The following TRIM44 variants were observed in gnomAD, a reference collection of about 807,000 sequenced individuals.
TRIM44 encodes tripartite motif-containing protein 44.
In TRIM44, 13 loss-of-function variants were observed where a neutral mutation model predicts 37.4. That is an observed-to-expected ratio of 0.35 (90% CI 0.23 to 0.55). The LOEUF (loss-of-function observed/expected upper bound fraction) is 0.55. TRIM44 is among the 20% of genes least tolerant of loss of function. TRIM44 has a pLI of 0.89. For missense variants in TRIM44, 426 were observed against 437.2 expected, an observed-to-expected ratio of 0.97 and a Z score of 0.23; for synonymous variants, 175 against 157.2, an observed-to-expected ratio of 1.11 and a Z score of -0.85.
At chr11:35,765,283 C>T (rs1356546145) in intron 4 of TRIM44, among the ~76,000 whole-genome samples, 1 of 152,152 alleles carries the variant, frequency 6.6e-6, no homozygotes, top group Non-Finnish European at 1.5e-5. Flanking sequence ...GCCTTGCTTT[C>T]AAGGCATCAT....
At chr11:35,804,544 C>A (rs1853422794) in intron 4 of TRIM44, among the ~76,000 whole-genome samples, 1 of 152,180 alleles carries the variant, frequency 6.6e-6, no homozygotes. Flanking sequence ...ATGCTGCCCT[C>A]ATATTTGAAA....
At chr11:35,670,783 A>C (rs1851385247) in intron 1 of TRIM44, among the ~76,000 whole-genome samples, 1 of 152,100 alleles carries the variant, frequency 6.6e-6, no homozygotes, top group Non-Finnish European at 1.5e-5. Context: ...TTTTTCATTT[A>C]ATGCCAGATG....
In TRIM44 at chr11:35,663,066, G is replaced by T. The variant is rs1249556693; in HGVS notation, c.-46G>T. 1 of 1,474,524 alleles carries T rather than the reference G, an allele frequency of 6.8e-7. No homozygotes were observed. The highest frequency in any genetic ancestry group is 1.4e-5 in the South Asian group (1 of 70,414). The allele number at this position is 1,474,524 out of a possible 1,614,324, so 91.3% of individuals were successfully genotyped here. A position where few individuals can be genotyped will look rare whatever the true frequency, so the allele number is the denominator to read the frequency against. On this transcript the variant is annotated 5_prime_UTR_variant, in exon 1 of 5. Coordinates refer to ENST00000299413, the MANE Select transcript of TRIM44 (RefSeq NM_017583.6). Reference sequence around the variant, plus strand: ...AAGTGAGGCCGCGCGGAAGGAAGGCGGCGAGCCCCGGGGCCCCGAGGCCTT... The same window carrying T: ...AAGTGAGGCCGCGCGGAAGGAAGGCTGCGAGCCCCGGGGCCCCGAGGCCTT...
At chr11:35,796,725 A>G (rs1412208482) in intron 4 of TRIM44, among the ~76,000 whole-genome samples, 1 of 152,202 alleles carries the variant, frequency 6.6e-6, no homozygotes, top group Non-Finnish European at 1.5e-5. Context: ...GAAGCTGGGG[A>G]AGGCCAATGT....
chr11:35,684,823 A>G (rs1433823276), intron 1 of TRIM44, among the ~76,000 whole-genome samples: 1 of 152,198 alleles, frequency 6.6e-6, no homozygotes, highest in Non-Finnish European at 1.5e-5. Context: ...TTCCATTCAT[A>G]ATTAAATTTC....
rs531957715 is a variant in TRIM44 at position 35,758,692 on chromosome 11, T to C, written c.1007+23247T>C. 7.2e-5 allele frequency among the ~76,000 whole-genome samples: 11 copies of C among 152,196 alleles called. No homozygotes were observed. The South Asian group carries it at 1.2e-3, about 17-fold the overall frequency. On this transcript the variant is annotated intron_variant, in intron 4 of 4. Coordinates refer to ENST00000299413, the MANE Select transcript of TRIM44 (RefSeq NM_017583.6). ...CTTCAGGAGCTCTTTTAGGGCAGGC[T>C]TGTTGGTGACAAAATCTCTCAGCAT...
intron 4 of TRIM44, among the ~76,000 whole-genome samples, chr11:35,804,851 A>G (rs925095379): frequency 6.6e-6 from 1 of 152,168 alleles, no homozygotes. Context: ...CCTAGCATAC[A>G]CTTAACTTGC....
chr11:35,724,985 G>A (rs933770436), intron 2 of TRIM44, among the ~76,000 whole-genome samples: 5 of 151,768 alleles, frequency 3.3e-5, no homozygotes, highest in African/African-American at 1.2e-4. Flanking sequence ...TTATTGCTGT[G>A]TTGTTTATAA....
Position 35,811,091 on chromosome 11 carries a change from G to A in TRIM44, c.*4706G>A, listed in dbSNP as rs1257162959. 6.6e-6 allele frequency: 1 copy of A among 152,132 alleles called. No individual in the cohort carries two copies. The highest frequency in any genetic ancestry group is 1.5e-5 in the Non-Finnish European group (1 of 68,026). 9.4% of individuals were successfully genotyped at this position (152,132 alleles called of 1,614,324 possible). A position where few individuals can be genotyped will look rare whatever the true frequency, so the allele number is the denominator to read the frequency against. On this transcript the variant is annotated 3_prime_UTR_variant, in exon 5 of 5. Transcript: ENST00000299413. ...AGTTGTGCACAAAGGACCCTGCAAG[G>A]TGTAAATATTTATGACGAGCTGCAT...
At chr11:35,806,302 G>C in intron 4 of TRIM44, 56 bp from the exon 5 acceptor site, 1 of 1,600,004 alleles carries the variant, frequency 6.2e-7, no homozygotes. Context: ...CAGTAGACTA[G>C]GCTGCCTCCC....
intron 2 of TRIM44, among the ~76,000 whole-genome samples, chr11:35,715,412 G>GTT (rs1245505533): frequency 2.0e-5 from 3 of 151,398 alleles, no homozygotes; most frequent in African/African-American, 7.3e-5. Flanking sequence ...GTATGTGTGT[G>GTT]TGTGTGTGTG....
intron 4 of TRIM44, among the ~76,000 whole-genome samples, chr11:35,783,129 G>A (rs1386222407): frequency 6.6e-6 from 1 of 152,154 alleles, no homozygotes; most frequent in East Asian, 1.9e-4. Flanking sequence ...TGTAAGGTAG[G>A]CTGTCCTCAT....
intron 2 of TRIM44, among the ~76,000 whole-genome samples, chr11:35,725,115 C>T (rs1852157701): frequency 6.6e-6 from 1 of 151,176 alleles, no homozygotes. Flanking sequence ...CCCTCCATCT[C>T]CATATCATAC....
At chr11:35,677,604 A>G (rs988333630) in intron 1 of TRIM44, among the ~76,000 whole-genome samples, 2 of 152,036 alleles carry the variant, frequency 1.3e-5, no homozygotes, top group African/African-American at 4.8e-5. Context: ...CAATTCTTTG[A>G]GGTATAGTAT....
chr11:35,729,877 C>T (rs373325931), intron 3 of TRIM44, among the ~76,000 whole-genome samples: 5 of 151,990 alleles, frequency 3.3e-5, no homozygotes, highest in South Asian at 2.1e-4. Context: ...TCTGTAAGCC[C>T]GAGGCAAGAG....
chr11:35,695,331 A>T (rs1052359901), intron 2 of TRIM44, among the ~76,000 whole-genome samples: 29 of 152,236 alleles, frequency 1.9e-4, no homozygotes, highest in African/African-American at 5.5e-4. Flanking sequence ...CTAATAACTG[A>T]TGGGTTATCT....
chr11:35,752,889 C>A (rs1852576283), intron 4 of TRIM44, among the ~76,000 whole-genome samples: 1 of 152,184 alleles, frequency 6.6e-6, no homozygotes. Context: ...AAACTTGCCA[C>A]TGCATGAAAG....
intron 2 of TRIM44, among the ~76,000 whole-genome samples, chr11:35,690,441 C>A (rs950104472): frequency 1.3e-5 from 2 of 152,052 alleles, no homozygotes; most frequent in African/African-American, 4.8e-5. Flanking sequence ...ATTTGAAATT[C>A]TTATTATTGT....
At chr11:35,749,574 A>G (rs1045937002) in intron 4 of TRIM44, among the ~76,000 whole-genome samples, 3 of 152,160 alleles carry the variant, frequency 2.0e-5, no homozygotes, top group South Asian at 2.1e-4. Context: ...AATCCCACCT[A>G]CTCAGGAGGC....
Sources: gnomAD v4.1 joint callset for allele counts (sites outside exome capture counted in the v4.1 genomes callset) on GRCh38, gnomAD v4.1.1 for gene constraint, MANE v1.5 for transcripts, NCBI Gene and HGNC (gene_info 2026-07-23, HGNC 2026-07-21) for gene names.